MEF2B: variants seen among roughly 807,000 people sequenced by gnomAD.
MEF2B encodes myocyte-specific enhancer factor 2B.
Under a neutral mutation model 32.2 loss-of-function variants are expected in MEF2B, and 15 were observed. That is an observed-to-expected ratio of 0.47 (90% CI 0.31 to 0.72). MEF2B has a LOEUF of 0.72. Among genes scored for constraint, MEF2B ranks in the 30% least tolerant of loss-of-function variants. The probability of loss-of-function intolerance (pLI) is 0.05; values close to 1 mark genes in which losing one functional copy is unlikely to be tolerated. For synonymous variants in MEF2B, 205 were observed against 225.6 expected (o/e 0.91, Z 0.82); for missense variants, 441 against 511.5 (o/e 0.86, Z 1.33).
intron 1 of MEF2B, among the ~76,000 whole-genome samples, chr19:19,153,846 G>A (rs770054008): frequency 6.6e-6 from 1 of 152,108 alleles, no homozygotes; most frequent in Non-Finnish European, 1.5e-5. Context: ...GACCTCCCAG[G>A]CTCCAGTAAT....
chr19:19,154,224 C>T (rs1043683258), intron 1 of MEF2B, among the ~76,000 whole-genome samples: 3 of 151,998 alleles, frequency 2.0e-5, no homozygotes, highest in East Asian at 1.9e-4. Flanking sequence ...AGTGCAGTGG[C>T]GTGATCGCGG....
In MEF2B at chr19:19,149,338, T is replaced by C. The variant is rs774813044; in HGVS notation, c.146A>G (p.Asn49Ser). The stretch of plus-strand genomic sequence containing the variant: ...ATACTGGAAGAGGCGGTTGGCGCTG[T>C]TGAAGATGATGAGGGCTATCTCACA... ...CDCEIALIIF[N>S]SANRLFQYAS... The change falls in exon 3 of 9, where the codon AAC (asparagine) becomes AGC (serine). Residue 49 changes from asparagine (N) to serine (S), a missense_variant. Coordinates refer to ENST00000424583, the MANE Select transcript of MEF2B (RefSeq NM_001145785.2). 6.2e-7 allele frequency: 1 copy of C among 1,613,868 alleles called. No individual in the cohort carries two copies. The highest frequency in any genetic ancestry group is 1.1e-5 in the South Asian group (1 of 91,070).
At chr19:19,169,915 G>A (rs1368173478) in intron 1 of MEF2B, among the ~76,000 whole-genome samples, 1 of 152,100 alleles carries the variant, frequency 6.6e-6, no homozygotes, top group African/African-American at 2.4e-5. Flanking sequence ...ACAGCACCAT[G>A]ATTTTGGACA....
intron 1 of MEF2B, among the ~76,000 whole-genome samples, chr19:19,151,470 G>A (rs1363072701): frequency 6.6e-6 from 1 of 152,184 alleles, no homozygotes; most frequent in East Asian, 1.9e-4. Flanking sequence ...CTGGGGTCCA[G>A]GCCTTCCCCA....
At chr19:19,151,486 C>A (rs1054571521) in intron 1 of MEF2B, among the ~76,000 whole-genome samples, 2 of 152,052 alleles carry the variant, frequency 1.3e-5, no homozygotes, top group African/African-American at 4.8e-5. Flanking sequence ...CCCCAGAGAC[C>A]CCCACTCGAG....
chr19:19,155,700 A>G (rs982130311), intron 1 of MEF2B, among the ~76,000 whole-genome samples: 3 of 152,326 alleles, frequency 2.0e-5, no homozygotes, highest in South Asian at 2.1e-4. Context: ...CAGAGTGTGC[A>G]TGTATATTTG....
chr19:19,149,111 T>G, intron 3 of MEF2B, 115 bp downstream of exon 3: 2 of 1,354,446 alleles, frequency 1.5e-6, no homozygotes, highest in Non-Finnish European at 2.0e-6. Flanking sequence ...ATAAAGCACG[T>G]CAGCCACAAA....
At chr19:19,151,549 T>C (rs542796282) in intron 1 of MEF2B, among the ~76,000 whole-genome samples, 119 of 152,196 alleles carry the variant, frequency 7.8e-4, no homozygotes, top group Non-Finnish European at 1.3e-3. Context: ...CCGCCCTCTG[T>C]ACAGACGTCC....
intron 1 of MEF2B, among the ~76,000 whole-genome samples, chr19:19,169,536 G>A (rs768577537): frequency 1.3e-5 from 2 of 152,056 alleles, no homozygotes; most frequent in Non-Finnish European, 2.9e-5. Context: ...TGCAACTAGG[G>A]GTTAGGGTGG....
Position 19,149,514 on chromosome 19 carries a change from C to T in MEF2B, c.55-85G>A, listed in dbSNP as rs567371591. 58 of 1,536,098 alleles carry T rather than the reference C, an allele frequency of 3.8e-5. No individual in the cohort carries two copies. In the Admixed American group the frequency reaches 9.9e-4, roughly 26 times the overall value. On this transcript the variant is annotated intron_variant, in intron 2 of 8. Coordinates refer to ENST00000424583, the MANE Select transcript of MEF2B (RefSeq NM_001145785.2). ...GTAGGGGAATTGGCAGGGCCTAACCCTTCCTCGAACATGCCTCAGGATTCT... is the reference window on the plus strand; with the variant it reads ...GTAGGGGAATTGGCAGGGCCTAACCTTTCCTCGAACATGCCTCAGGATTCT...
At chr19:19,146,137 GGC>G (rs2060023711) in intron 8 of MEF2B, 115 bp from the exon 9 acceptor site, 1 of 994,720 alleles carries the variant, frequency 1.0e-6, no homozygotes, top group African/African-American at 1.7e-5. Flanking sequence ...AGGAGGGGGT[GGC>G]GGTCCCTCTT....
In MEF2B at chr19:19,149,241, G is replaced by A. The variant is rs2060053192; in HGVS notation, c.243C>T (p.Asn81=). ...CCTGGGGTACCTCGAGGATGTCAGT[G>A]TTGGTGCGGCTCTCGTGGGGCTCGC... ...EYSEPHESRT[N]TDILETLKRR... The change falls in exon 3 of 9, where the codon AAC becomes AAT. Residue 81 remains asparagine (N), a synonymous_variant. Transcript: ENST00000424583. The A allele has an allele frequency of 5.0e-6, 8 of 1,613,968 alleles. No individual in the cohort carries two copies. In the Admixed American group the frequency reaches 6.7e-5, roughly 13 times the overall value.
chr19:19,164,840 C>T (rs1216669032), intron 1 of MEF2B, among the ~76,000 whole-genome samples: 1 of 152,170 alleles, frequency 6.6e-6, no homozygotes, highest in East Asian at 1.9e-4. Context: ...CCTCTCAGGC[C>T]CCTAGTGATG....
chr19:19,145,999 TC>T lies in MEF2B; in HGVS notation c.904del (p.Glu302ArgfsTer102). 7.0e-7 allele frequency: 1 copy of T among 1,431,556 alleles called. No individual in the cohort carries two copies. The highest frequency in any genetic ancestry group is 9.1e-7 in the Non-Finnish European group (1 of 1,093,682). The allele number at this position is 1,431,556 out of a possible 1,614,324, so 88.7% of individuals were successfully genotyped here. A position where few individuals can be genotyped will look rare whatever the true frequency, so the allele number is the denominator to read the frequency against. On this transcript the variant is annotated frameshift_variant, in exon 9 of 9. Coordinates refer to ENST00000424583, the MANE Select transcript of MEF2B (RefSeq NM_001145785.2). LOFTEE classifies it low-confidence loss of function (END_TRUNC). The surrounding 1 kb of genome is among the most constrained non-coding windows in gnomAD (Gnocchi z 4.6). ...GGAGGCGCCGCGGGTTGGGGGACCC[TC>T]CTCGCCCAGGCTTCGGCCCCCACTG... ...QPSGGRSLGE[E>X]GPPTRGASPP...
chr19:19,151,562 T>C (rs1428918030), intron 1 of MEF2B, among the ~76,000 whole-genome samples: 3 of 152,126 alleles, frequency 2.0e-5, no homozygotes, highest in African/African-American at 7.2e-5. Flanking sequence ...AGACGTCCCC[T>C]GACACCACAG....
chr19:19,152,387 A>AAAAAAAAG (rs1555774946), intron 1 of MEF2B, among the ~76,000 whole-genome samples: 7 of 146,684 alleles, frequency 4.8e-5, no homozygotes, highest in African/African-American at 1.8e-4. Flanking sequence ...TCTCAAAAAA[A>AAAAAAAAG]AAAAAGAAAA....
chr19:19,164,423 C>T (rs1341386113), intron 1 of MEF2B, among the ~76,000 whole-genome samples: 1 of 152,184 alleles, frequency 6.6e-6, no homozygotes, highest in Middle Eastern at 3.2e-3. Context: ...AGGAACTGGC[C>T]CTCTGAAGGT....
chr19:19,146,881 G>A lies in MEF2B; in HGVS notation c.542-6C>T. ...GAAGAGAGGGTGCACCAGGCCTGGG[G>A]AAGAGGAGACCCCAGAGAGAGAGGA... On this transcript the variant is annotated splice_region_variant and splice_polypyrimidine_tract_variant and intron_variant, in intron 5 of 8. Coordinates refer to ENST00000424583, the MANE Select transcript of MEF2B (RefSeq NM_001145785.2). 1 of 1,610,300 alleles carries A rather than the reference G, an allele frequency of 6.2e-7. No individual in the cohort carries two copies. The highest frequency in any genetic ancestry group is 2.2e-5 in the East Asian group (1 of 44,848).
rs1431677747 is a variant in MEF2B, at chr19:19,149,353, G to C, written c.131C>G (p.Ala44Gly). ...GTTGGCGCTGTTGAAGATGATGAGG[G>C]CTATCTCACAGTCACAGAGCACGCT... ...ELSVLCDCEIALIIFNSANRL... is the reference protein window; with the variant it reads ...ELSVLCDCEIGLIIFNSANRL... Residue 44 changes from alanine (A) to glycine (G), a missense_variant, in exon 3 of 9, where the codon GCC (alanine) becomes GGC (glycine). Coordinates refer to ENST00000424583, the MANE Select transcript of MEF2B (RefSeq NM_001145785.2). 1 of 1,613,900 alleles carries C rather than the reference G, an allele frequency of 6.2e-7. No individual in the cohort carries two copies.
Sources: allele counts gnomAD v4.1 joint callset (sites outside exome capture counted in the v4.1 genomes callset), GRCh38; gene constraint gnomAD v4.1.1; non-coding constraint Gnocchi (gnomAD v3.1); transcripts MANE v1.5; gene names NCBI Gene and HGNC (gene_info 2026-07-23, HGNC 2026-07-21).